The following DSCAM variants were observed in gnomAD, a reference collection of about 807,000 sequenced individuals.
DSCAM encodes the protein cell adhesion molecule DSCAM.
A neutral mutation model predicts 217.7 loss-of-function variants in DSCAM; 47 were observed. That is an observed-to-expected ratio of 0.22 (90% CI 0.17 to 0.28). DSCAM has a LOEUF of 0.28. Among genes scored for constraint, DSCAM ranks in the 10% least tolerant of loss-of-function variants. The probability of loss-of-function intolerance (pLI) is 1.00; values close to 1 mark genes in which losing one functional copy is unlikely to be tolerated. For missense variants in DSCAM, 2,080 were observed against 2,618.3 expected, an observed-to-expected ratio of 0.79 and a Z score of 4.49; for synonymous variants, 1,056 against 1,015.3, an observed-to-expected ratio of 1.04 and a Z score of -0.76.
intron 3 of DSCAM, among the ~76,000 whole-genome samples, chr21:40,539,919 G>A (rs1262223199): frequency 2.0e-5 from 3 of 152,070 alleles, no homozygotes; most frequent in African/African-American, 4.8e-5. Flanking sequence ...ATATTTTCAC[G>A]TTTCTATTTT....
intron 3 of DSCAM, among the ~76,000 whole-genome samples, chr21:40,400,068 C>G (rs1041905050): frequency 6.6e-6 from 1 of 152,156 alleles, no homozygotes; most frequent in African/African-American, 2.4e-5. Context: ...GGTCAGCATT[C>G]CCCAGACTCA....
chr21:40,490,375 T>A (rs937715852), intron 3 of DSCAM, among the ~76,000 whole-genome samples: 3 of 152,206 alleles, frequency 2.0e-5, no homozygotes, highest in Admixed American at 1.3e-4. Flanking sequence ...ATAATTGGAT[T>A]CTAGACATTT....
chr21:40,357,409 A>C (rs1318166075), intron 4 of DSCAM, among the ~76,000 whole-genome samples: 1 of 152,202 alleles, frequency 6.6e-6, no homozygotes, highest in Non-Finnish European at 1.5e-5. Flanking sequence ...TGTTACTGGA[A>C]GTATCATCAC....
At chr21:40,786,752 C>T (rs1034108211) in intron 1 of DSCAM, among the ~76,000 whole-genome samples, 1 of 152,130 alleles carries the variant, frequency 6.6e-6, no homozygotes, top group African/African-American at 2.4e-5. Flanking sequence ...GAAACCAATA[C>T]TAATCATAAT....
intron 2 of DSCAM, among the ~76,000 whole-genome samples, chr21:40,703,258 G>A (rs1435796521): frequency 6.6e-6 from 1 of 152,126 alleles, no homozygotes; most frequent in Non-Finnish European, 1.5e-5. Context: ...ACTCTTGCCT[G>A]TAATCCTAGC....
At chr21:40,193,517 C>A (rs1372921588) in intron 11 of DSCAM, among the ~76,000 whole-genome samples, 1 of 152,162 alleles carries the variant, frequency 6.6e-6, no homozygotes, top group African/African-American at 2.4e-5. Context: ...AACCATGACA[C>A]CCACATATAA....
At chr21:40,671,500 TCC>T (rs147341396) in intron 3 of DSCAM, among the ~76,000 whole-genome samples, 5 of 150,674 alleles carry the variant, frequency 3.3e-5, no homozygotes, top group Admixed American at 2.0e-4. Context: ...ATAGTGAAAC[TCC>T]CCCCCCGCAC....
intron 11 of DSCAM, among the ~76,000 whole-genome samples, chr21:40,257,497 C>CACACACACACACACACACACACACAA (rs975639777): frequency 1.1e-4 from 17 of 151,594 alleles, no homozygotes; most frequent in Admixed American, 5.9e-4. Flanking sequence ...CACACACACA[C>CACACACACACACACACACACACACAA]AATGGCAAAC....
At chr21:40,797,106 C>T (rs2091698146) in intron 1 of DSCAM, among the ~76,000 whole-genome samples, 1 of 152,108 alleles carries the variant, frequency 6.6e-6, no homozygotes, top group Admixed American at 6.5e-5. Flanking sequence ...ACATTAGGGC[C>T]TATTTGTCTT....
In DSCAM at chr21:40,013,251, G is replaced by A. The variant is rs780214745; in HGVS notation, c.5822C>T (p.Thr1941Met). Reference protein sequence around the residue: ...PQKSRTLKRPTVLEPIPMEAA... With the variant: ...PQKSRTLKRPMVLEPIPMEAA... ...TTCCATCGGGATGGGCTCCAGGACC[G>A]TGGGGCGCTTCAGGGTCCGGCTTTT... Residue 1941 changes from threonine (T) to methionine (M), a missense_variant, in exon 33 of 33, where the codon ACG becomes ATG. This residue lies in a region of DSCAM where 145 missense variants were observed against 138.5 expected (regional missense o/e 1.05). Transcript: ENST00000400454. The A allele has an allele frequency of 3.2e-5, 52 of 1,613,722 alleles. No individual in the cohort carries two copies. The highest frequency in any genetic ancestry group is 4.0e-5 in the African/African-American group (3 of 74,908).
intron 3 of DSCAM, among the ~76,000 whole-genome samples, chr21:40,479,571 G>T (rs1358137137): frequency 6.6e-6 from 1 of 152,182 alleles, no homozygotes; most frequent in Non-Finnish European, 1.5e-5. Context: ...ATGGCAGCAG[G>T]CAAGAGAAAG....
At chr21:40,142,442 T>G in intron 18 of DSCAM, 116 bp downstream of exon 18, 1 of 1,132,506 alleles carries the variant, frequency 8.8e-7, no homozygotes, top group Non-Finnish European at 1.2e-6. Context: ...AAAGTGTCTA[T>G]TGATAAAGAG....
rs539241056 is a variant in DSCAM at position 40,126,159 on chromosome 21, C to T, written c.3563-1831G>A. Reference sequence around the variant, plus strand: ...CAGTTAATGGGACTACTTTGGAAAGCCTTCCTTAGAGGTAAGTTAGAAAAG... The same window carrying T: ...CAGTTAATGGGACTACTTTGGAAAGTCTTCCTTAGAGGTAAGTTAGAAAAG... On this transcript the variant is annotated intron_variant, in intron 19 of 32. Transcript: ENST00000400454. Among the ~76,000 whole-genome samples, 78 of 151,106 alleles carry T rather than the reference C, an allele frequency of 5.2e-4. 4 individuals are homozygous for T. Among genetic ancestry groups the T allele is most frequent in the East Asian group, 2.1e-3 (11 of 5,132 alleles).
intron 16 of DSCAM, among the ~76,000 whole-genome samples, chr21:40,155,798 A>G (rs2146746159): frequency 6.6e-6 from 1 of 152,220 alleles, no homozygotes; most frequent in African/African-American, 2.4e-5. Flanking sequence ...CACCCCAACA[A>G]ACCACTGGGT....
rs1267721381 is a variant in DSCAM at position 40,553,155 on chromosome 21, TA to T, written c.508+139654del. Among the ~76,000 whole-genome samples the T allele has an allele frequency of 3.9e-5, 6 of 152,334 alleles. No homozygotes were observed. The East Asian group carries it at 1.2e-3, about 29-fold the overall frequency. On this transcript the variant is annotated intron_variant, in intron 3 of 32. Coordinates refer to ENST00000400454, the MANE Select transcript of DSCAM (RefSeq NM_001389.5). Reference sequence around the variant, plus strand: ...AGGGACAGTTTCTATTGGTGGATTTTAAAAATAAAAGAAGAAACAGCACAAG... The same window carrying T: ...AGGGACAGTTTCTATTGGTGGATTTTAAAATAAAAGAAGAAACAGCACAAG...
intron 1 of DSCAM, among the ~76,000 whole-genome samples, chr21:40,797,151 A>T (rs2091698610): frequency 6.6e-6 from 1 of 152,182 alleles, no homozygotes; most frequent in African/African-American, 2.4e-5. Flanking sequence ...GGAAAAAATG[A>T]CACATTGTGC....
intron 20 of DSCAM, among the ~76,000 whole-genome samples, chr21:40,094,771 G>C (rs987113825): frequency 6.6e-6 from 1 of 152,186 alleles, no homozygotes; most frequent in Non-Finnish European, 1.5e-5. Context: ...GCAAGACTTA[G>C]AGAGAACAAA....
chr21:40,536,898 G>A (rs1274867817), intron 3 of DSCAM, among the ~76,000 whole-genome samples: 1 of 152,184 alleles, frequency 6.6e-6, no homozygotes, highest in Non-Finnish European at 1.5e-5. Context: ...CAGCTTTGAA[G>A]GCCAGAGGCA....
intron 3 of DSCAM, among the ~76,000 whole-genome samples, chr21:40,566,500 C>T (rs462295): frequency 0.21 from 31,679 of 152,112 alleles, 3,456 homozygotes; most frequent in East Asian, 0.28. Context: ...CTTTTCACAC[C>T]GCTACTCACC....
Sources: gnomAD v4.1 joint callset for allele counts (sites outside exome capture counted in the v4.1 genomes callset) on GRCh38, gnomAD v4.1.1 for gene constraint, gnomAD v4.1.1 regional missense constraint, MANE v1.5 for transcripts, NCBI Gene and HGNC (gene_info 2026-07-23, HGNC 2026-07-21) for gene names.